Variants in PKD1L3 observed in about 807,000 individuals in gnomAD.
The protein encoded by PKD1L3 is polycystin-1-like protein 3.
In PKD1L3, 239 loss-of-function variants were observed where a neutral mutation model predicts 184.1. The observed-to-expected ratio is 1.30, with a 90% confidence interval of 1.17 to 1.45. The LOEUF is 1.45. Ranked by LOEUF, PKD1L3 falls within the 40% of genes most tolerant of loss-of-function variation. PKD1L3 has a pLI of 0.00. For synonymous variants in PKD1L3, 996 were observed against 778.8 expected (o/e 1.28, Z -4.64); for missense variants, 2,660 against 2,067.2 (o/e 1.29, Z -5.56).
chr16:71,954,081 A>C, intron 17 of PKD1L3, 24 bp downstream of exon 17: 2 of 1,478,278 alleles, frequency 1.4e-6, no homozygotes, highest in Non-Finnish European at 1.8e-6. Context: ...ACTACAAACA[A>C]CACACATCAG....
chr16:71,934,195 C>T lies in PKD1L3; in HGVS notation c.4614-70G>A, dbSNP rs550862681. 18 of 1,434,234 alleles carry T rather than the reference C, an allele frequency of 1.3e-5. No homozygotes were observed. In the East Asian group the frequency reaches 3.5e-4, roughly 28 times the overall value. 88.8% of individuals were successfully genotyped at this position (1,434,234 alleles called of 1,614,324 possible). A position where few individuals can be genotyped will look rare whatever the true frequency, so the allele number is the denominator to read the frequency against. On this transcript the variant is annotated intron_variant, in intron 26 of 29. Transcript: ENST00000620267. ...CTATACTGCAGTTTCCCCAGCGCCC[C>T]TGCTGCTGATCGTGGCAGCCCTGAG... is the stretch of plus-strand genomic sequence containing the variant.
rs755724900 is a variant in PKD1L3 at position 71,942,747 on chromosome 16, G to C, written c.4137C>G (p.Asp1379Glu). 1.3e-6 allele frequency: 2 copies of C among 1,551,510 alleles called. No individual in the cohort carries two copies. The highest frequency in any genetic ancestry group is 1.4e-5 in the African/African-American group (1 of 73,010). Residue 1379 changes from aspartate to glutamate, a missense_variant, in exon 24 of 30, where the codon GAC becomes GAG. By Grantham distance (45) the Asp-to-Glu change is conservative. Coordinates refer to ENST00000620267, the MANE Select transcript of PKD1L3 (RefSeq NM_181536.2). ...TATCACAAAACGCCAGCTGACCTTC[G>C]TCCACTTTCTCATAGGTCTTGGTAC... is the stretch of plus-strand genomic sequence containing the variant. ...IPRTKTYEKVDEGQLAFCDNG... is the reference protein window; with the variant it reads ...IPRTKTYEKVEEGQLAFCDNG...
intron 12 of PKD1L3, among the ~76,000 whole-genome samples, 180 bp from the exon 13 acceptor site, chr16:71,970,285 C>G (rs1473647803): frequency 6.6e-6 from 1 of 152,152 alleles, no homozygotes; most frequent in Non-Finnish European, 1.5e-5. Flanking sequence ...TCTAGTACAG[C>G]TGAAGCAGAA....
rs1366885659 is a variant in PKD1L3, at chr16:71,978,515, A to G, written c.1399-132T>C. On this transcript the variant is annotated intron_variant, in intron 9 of 29. Coordinates refer to ENST00000620267, the MANE Select transcript of PKD1L3 (RefSeq NM_181536.2). ...TGTGTGTATATATATATATATATAT[A>G]TATATACATACATACATACATACAT... is the stretch of plus-strand genomic sequence containing the variant. The G allele has an allele frequency of 6.0e-4, 87 of 143,996 alleles. 1 individual carries two copies. The highest frequency in any genetic ancestry group is 6.5e-4 in the South Asian group (3 of 4,632). The allele number at this position is 143,996 out of a possible 1,614,324, so 8.9% of individuals were successfully genotyped here.
chr16:71,937,857 G>T (rs1296209664), intron 24 of PKD1L3, among the ~76,000 whole-genome samples: 1 of 152,196 alleles, frequency 6.6e-6, no homozygotes, highest in South Asian at 2.1e-4. Context: ...AAATGTTGAC[G>T]TTTATAAAAT....
At chr16:71,956,184 A>ATTTTTTTTTTTTTTTT (rs35268514) in intron 16 of PKD1L3, among the ~76,000 whole-genome samples, 5 of 82,758 alleles carry the variant, frequency 6.0e-5, no homozygotes, top group African/African-American at 2.7e-4. Flanking sequence ...AAAGGAAGGA[A>ATTTTTTTTTTTTTTTT]TTTTTTTTTT....
intron 6 of PKD1L3, among the ~76,000 whole-genome samples, chr16:71,982,964 T>TA (rs914523625): frequency 2.6e-5 from 4 of 151,692 alleles, no homozygotes; most frequent in South Asian, 4.2e-4. Flanking sequence ...ATGCATTTTA[T>TA]AAAAAAAAAG....
chr16:71,964,960 C>T (rs2039443830), intron 15 of PKD1L3, among the ~76,000 whole-genome samples: 1 of 151,840 alleles, frequency 6.6e-6, no homozygotes, highest in African/African-American at 2.4e-5. Context: ...GATTCTCCCG[C>T]CTCAGCCCCC....
chr16:71,993,370 A>C (rs2040665847), intron 2 of PKD1L3, 38 bp from the exon 3 acceptor site: 1 of 1,302,088 alleles, frequency 7.7e-7, no homozygotes, highest in Non-Finnish European at 1.1e-6. Context: ...TTTATAGGTT[A>C]TAGCTATGGC....
chr16:71,978,493 GTGTATATA>G (rs1374582047), intron 9 of PKD1L3, 110 bp from the exon 10 acceptor site: 4 of 119,346 alleles, frequency 3.4e-5, no homozygotes, highest in Non-Finnish European at 3.9e-5. Flanking sequence ...GTGTGTGTGT[GTGTATATA>G]TATATATATA....
chr16:71,976,280 T>TTTTTTTTTTTTTTA (rs1597350924), intron 11 of PKD1L3, among the ~76,000 whole-genome samples: 3 of 148,042 alleles, frequency 2.0e-5, no homozygotes, highest in South Asian at 2.2e-4. Context: ...TTTTTTTTTT[T>TTTTTTTTTTTTTTA]AAGACAGTCT....
chr16:71,967,821 T>C (rs900804723), intron 14 of PKD1L3, 85 bp downstream of exon 14: 30 of 1,132,262 alleles, frequency 2.6e-5, no homozygotes, highest in Admixed American at 1.5e-4. Context: ...TAAAGTGCTA[T>C]TGGTTGCCAG....
chr16:71,989,528 G>A (rs1321510987), intron 4 of PKD1L3, among the ~76,000 whole-genome samples: 3 of 152,186 alleles, frequency 2.0e-5, no homozygotes, highest in Admixed American at 1.3e-4. Flanking sequence ...TCTGTGTTTA[G>A]GCATCAACTA....
intron 3 of PKD1L3, chr16:71,991,096 G>A (rs2040572161): frequency 6.4e-6 from 1 of 156,926 alleles, no homozygotes; most frequent in Non-Finnish European, 1.4e-5. Flanking sequence ...ATTGATACAG[G>A]GACGACCTTG....
At chr16:71,979,400 C>G (rs986341195) in intron 9 of PKD1L3, among the ~76,000 whole-genome samples, 3 of 152,056 alleles carry the variant, frequency 2.0e-5, no homozygotes, top group African/African-American at 4.8e-5. Flanking sequence ...GCCGAGATCA[C>G]GCCACTGCAC....
chr16:71,967,168 A>G lies in PKD1L3; in HGVS notation c.2434T>C (p.Trp812Arg). Reference sequence around the variant, plus strand: ...GGACTGACGCCAGAATTGTCATGCCAGAGCCGAAGGCTGTGCAGGTTCCCT... The same window carrying G: ...GGACTGACGCCAGAATTGTCATGCCGGAGCCGAAGGCTGTGCAGGTTCCCT... ...SLGNLHSLRL[W>R]HDNSGVSPSW... The change falls in exon 15 of 30, where the codon TGG becomes CGG. Residue 812 changes from tryptophan (W) to arginine (R), a missense_variant. Coordinates refer to ENST00000620267, the MANE Select transcript of PKD1L3 (RefSeq NM_181536.2). 1 of 1,551,722 alleles carries G rather than the reference A, an allele frequency of 6.4e-7. No individual in the cohort carries two copies. Among genetic ancestry groups the G allele is most frequent in the Non-Finnish European group, 8.7e-7 (1 of 1,146,970 alleles).
chr16:71,983,544 C>A (rs1286369415), intron 6 of PKD1L3, among the ~76,000 whole-genome samples: 3 of 151,888 alleles, frequency 2.0e-5, no homozygotes, highest in Admixed American at 2.0e-4. Context: ...AATGTCACTA[C>A]TGATCAATTT....
chr16:71,998,570 C>T (rs1355574344), intron 1 of PKD1L3, among the ~76,000 whole-genome samples, 176 bp from the exon 2 acceptor site: 1 of 152,218 alleles, frequency 6.6e-6, no homozygotes, highest in Middle Eastern at 3.2e-3. Context: ...CCTGCCTCAG[C>T]CTCCCAAGTA....
chr16:71,998,783 C>G lies in PKD1L3; in HGVS notation c.296-389G>C, dbSNP rs560477807. ...CATTTTTTAAAAGTAAATATGAAAG[C>G]CAAATTTGACTGACTTCCAATAGAT... On this transcript the variant is annotated intron_variant, in intron 1 of 29. Transcript: ENST00000620267. Among the ~76,000 whole-genome samples, 3 of 152,130 alleles carry G rather than the reference C, an allele frequency of 2.0e-5. No individual in the cohort carries two copies. In the East Asian group the frequency reaches 5.8e-4, roughly 29 times the overall value.
Sources: gnomAD v4.1 joint callset for allele counts (sites outside exome capture counted in the v4.1 genomes callset) on GRCh38, gnomAD v4.1.1 for gene constraint, MANE v1.5 for transcripts, NCBI Gene and HGNC (gene_info 2026-07-23, HGNC 2026-07-21) for gene names.